The following MEGF11 variants were observed in gnomAD, a reference collection of about 807,000 sequenced individuals.
The protein encoded by MEGF11 is multiple EGF like domains 11.
A neutral mutation model predicts 146.6 loss-of-function variants in MEGF11; 126 were observed. The observed-to-expected ratio is 0.86, with a 90% CI of 0.74 to 1.00. The LOEUF (loss-of-function observed/expected upper bound fraction) is 1.00, where lower values mean the gene tolerates loss of function less well. Ranked by LOEUF, MEGF11 falls within the 50% of genes least tolerant of loss-of-function variation. The pLI is 0.00. For missense variants in MEGF11, 1,509 were observed against 1,521.2 expected (o/e 0.99, Z 0.13); for synonymous variants, 532 against 583.4 (o/e 0.91, Z 1.27).
chr15:66,025,544 G>A (rs1475712460), intron 5 of MEGF11, among the ~76,000 whole-genome samples: 1 of 152,134 alleles, frequency 6.6e-6, no homozygotes, highest in Admixed American at 6.5e-5. Context: ...GGTCTTAAAA[G>A]CCTAAGTGAC....
chr15:66,215,068 G>A (rs2091552728), intron 1 of MEGF11, among the ~76,000 whole-genome samples: 1 of 152,006 alleles, frequency 6.6e-6, no homozygotes, highest in Non-Finnish European at 1.5e-5. Flanking sequence ...CTCTCATCTG[G>A]AGCTCTAACG....
intron 1 of MEGF11, among the ~76,000 whole-genome samples, chr15:66,131,726 C>A (rs937823315): frequency 1.3e-5 from 2 of 152,176 alleles, no homozygotes; most frequent in African/African-American, 2.4e-5. Flanking sequence ...AAATGCTGCT[C>A]GCTATGTCCT....
At chr15:65,968,985 T>A (rs541525730) in intron 8 of MEGF11, among the ~76,000 whole-genome samples, 2 of 152,256 alleles carry the variant, frequency 1.3e-5, no homozygotes, top group East Asian at 3.9e-4. Flanking sequence ...GGCAGCCCGT[T>A]TAGGTGAGAA....
Position 66,172,160 on chromosome 15 carries a change from C to T in MEGF11, c.-8-43749G>A, listed in dbSNP as rs575887282. 1.8e-4 allele frequency among the ~76,000 whole-genome samples: 28 copies of T among 152,302 alleles called. No individual in the cohort carries two copies. The South Asian group carries it at 3.7e-3, about 20-fold the overall frequency. On this transcript the variant is annotated intron_variant, in intron 1 of 25. Coordinates refer to ENST00000395614, the MANE Select transcript of MEGF11 (RefSeq NM_001385028.1). ...GCCTCCTCCAGGACTAGGCTGGAGT[C>T]GGAAGTTTGCTCGGCAGGAGAATGA...
At chr15:65,978,492 G>A (rs2081524557) in intron 7 of MEGF11, among the ~76,000 whole-genome samples, 1 of 152,184 alleles carries the variant, frequency 6.6e-6, no homozygotes, top group African/African-American at 2.4e-5. Flanking sequence ...CAAACCTCTT[G>A]CTGTGCTGGG....
chr15:66,030,391 A>T (rs1010417491), intron 5 of MEGF11, among the ~76,000 whole-genome samples: 10 of 151,666 alleles, frequency 6.6e-5, no homozygotes, highest in African/African-American at 2.4e-4. Flanking sequence ...CCATTACCTC[A>T]CTCACACACA....
chr15:65,949,444 G>A (rs1324333973), intron 10 of MEGF11, among the ~76,000 whole-genome samples: 3 of 152,148 alleles, frequency 2.0e-5, no homozygotes, highest in African/African-American at 7.2e-5. Context: ...TGCTCCCCTC[G>A]CCAGCATGCA....
intron 5 of MEGF11, among the ~76,000 whole-genome samples, chr15:66,075,012 A>T (rs2085514131): frequency 6.6e-6 from 1 of 152,216 alleles, no homozygotes; most frequent in Non-Finnish European, 1.5e-5. Context: ...ATTGATTTGT[A>T]GGATTAAAAA....
chr15:65,930,994 G>A, intron 10 of MEGF11, 51 bp from the exon 11 acceptor site: 1 of 1,475,646 alleles, frequency 6.8e-7, no homozygotes. Flanking sequence ...CATGTTGGAT[G>A]GCTGTGGTAG....
At chr15:65,912,394 C>G in intron 20 of MEGF11, 194 bp from the exon 21 acceptor site, 1 of 373,764 alleles carries the variant, frequency 2.7e-6, no homozygotes, top group Non-Finnish European at 4.7e-6. Context: ...CCTTCCCTTA[C>G]GCTGGTCCTC....
At chr15:65,965,620 T>TCTTTCTTTTCTTTC (rs2081061920) in intron 8 of MEGF11, among the ~76,000 whole-genome samples, 1 of 110,270 alleles carries the variant, frequency 9.1e-6, no homozygotes, top group Non-Finnish European at 2.1e-5. Context: ...TTTCTTTTTT[T>TCTTTCTTTTCTTTC]TTTTTTTGGC....
At chr15:66,047,953 G>GTTT (rs112189578) in intron 5 of MEGF11, among the ~76,000 whole-genome samples, 57 of 145,620 alleles carry the variant, frequency 3.9e-4, no homozygotes, top group Non-Finnish European at 6.2e-4. Context: ...TGGGAGGAGT[G>GTTT]TTTTTTTTTT....
chr15:66,141,880 G>C (rs904506117), intron 1 of MEGF11, among the ~76,000 whole-genome samples: 1 of 152,160 alleles, frequency 6.6e-6, no homozygotes, highest in African/African-American at 2.4e-5. Flanking sequence ...GAGGAATCTA[G>C]GGAGAGACTG....
At chr15:65,941,996 T>TTC (rs2080009308) in intron 10 of MEGF11, among the ~76,000 whole-genome samples, 1 of 152,120 alleles carries the variant, frequency 6.6e-6, no homozygotes. Context: ...ACTTTTTTTT[T>TTC]CCCTCTTATC....
intron 5 of MEGF11, among the ~76,000 whole-genome samples, chr15:65,983,640 G>A (rs529731050): frequency 2.5e-4 from 38 of 152,288 alleles, no homozygotes; most frequent in Middle Eastern, 3.4e-3. Context: ...CTAATAGGGT[G>A]AGCAACCATC....
intron 5 of MEGF11, among the ~76,000 whole-genome samples, chr15:65,996,028 A>G (rs762901215): frequency 2.0e-5 from 3 of 152,170 alleles, no homozygotes; most frequent in Non-Finnish European, 4.4e-5. Flanking sequence ...GTCCTGGGGA[A>G]GCCTCCACCC....
rs560643911 is a variant in MEGF11, at chr15:66,025,707, C to T, written c.395-43219G>A. On this transcript the variant is annotated intron_variant, in intron 5 of 25. Transcript: ENST00000395614. ...CCTTTTGCCTTCAGGCCTCTCGGGA[C>T]ATTCCCCTGTCTCTTAATTTGTTCA... is the stretch of plus-strand genomic sequence containing the variant. Among the ~76,000 whole-genome samples the T allele has an allele frequency of 1.2e-4, 18 of 152,226 alleles. No homozygotes were observed. The South Asian group carries it at 3.5e-3, about 30-fold the overall frequency.
chr15:66,037,840 G>C (rs758005597), intron 5 of MEGF11, among the ~76,000 whole-genome samples: 1 of 152,192 alleles, frequency 6.6e-6, no homozygotes, highest in African/African-American at 2.4e-5. Flanking sequence ...TGTCTAGCCC[G>C]GGGTTCCCCA....
At chr15:66,038,580 G>A (rs545475908) in intron 5 of MEGF11, among the ~76,000 whole-genome samples, 13 of 152,194 alleles carry the variant, frequency 8.5e-5, no homozygotes, top group East Asian at 7.7e-4. Flanking sequence ...AAACATGGGC[G>A]GTGTGCCAGG....
Sources: gnomAD v4.1 joint callset for allele counts (sites outside exome capture counted in the v4.1 genomes callset) on GRCh38, gnomAD v4.1.1 for gene constraint, MANE v1.5 for transcripts, NCBI Gene and HGNC (gene_info 2026-07-23, HGNC 2026-07-21) for gene names.